SLC24A3: variants seen among roughly 807,000 people sequenced by gnomAD.
SLC24A3 encodes the protein sodium/potassium/calcium exchanger 3.
SLC24A3 carries 28 observed loss-of-function variants against 75.8 expected under a neutral mutation model. The observed-to-expected ratio is 0.37, with a 90% confidence interval of 0.27 to 0.51. The LOEUF (loss-of-function observed/expected upper bound fraction) is 0.51, where lower values mean the gene tolerates loss of function less well. Ranked by LOEUF, SLC24A3 falls within the 20% of genes least tolerant of loss-of-function variation. The pLI, the probability that SLC24A3 is intolerant of heterozygous loss-of-function variation, is 0.94. For missense variants in SLC24A3, 663 were observed against 847.8 expected (o/e 0.78, Z 2.71); for synonymous variants, 372 against 334.1 (o/e 1.11, Z -1.24).
chr20:19,646,543 A>G (rs2032139477), intron 6 of SLC24A3, among the ~76,000 whole-genome samples: 1 of 152,218 alleles, frequency 6.6e-6, no homozygotes, highest in Non-Finnish European at 1.5e-5. Context: ...TAACATTGTA[A>G]TTGCATTTGT....
At chr20:19,539,503 A>G (rs917989653) in intron 3 of SLC24A3, among the ~76,000 whole-genome samples, 1 of 152,148 alleles carries the variant, frequency 6.6e-6, no homozygotes, top group African/African-American at 2.4e-5. Context: ...TGCCCTCATA[A>G]CACTGAGACA....
intron 2 of SLC24A3, among the ~76,000 whole-genome samples, chr20:19,323,616 T>G (rs1984768881): frequency 6.6e-6 from 1 of 152,124 alleles, no homozygotes; most frequent in Non-Finnish European, 1.5e-5. Flanking sequence ...TCACTGTCAG[T>G]TTTCCCCCTG....
At chr20:19,470,529 A>G (rs191517693) in intron 2 of SLC24A3, among the ~76,000 whole-genome samples, 1 of 152,304 alleles carries the variant, frequency 6.6e-6, no homozygotes, top group Admixed American at 6.5e-5. Context: ...GATGCACAGC[A>G]TTAAGTCTGT....
At chr20:19,386,319 G>A (rs1016117384) in intron 2 of SLC24A3, among the ~76,000 whole-genome samples, 11 of 152,114 alleles carry the variant, frequency 7.2e-5, no homozygotes, top group African/African-American at 2.4e-4. Flanking sequence ...GGGTTTTTTG[G>A]TGTAGTGTTT....
chr20:19,685,043 G>C (rs766334183), intron 11 of SLC24A3, 57 bp from the exon 12 acceptor site: 85 of 1,539,680 alleles, frequency 5.5e-5, no homozygotes, highest in Non-Finnish European at 7.3e-5. Flanking sequence ...CATGTTCTGA[G>C]TGTAAGGTAT....
Position 19,362,713 on chromosome 20 carries a change from C to T in SLC24A3, c.271+81626C>T, listed in dbSNP as rs185959060. The stretch of plus-strand genomic sequence containing the variant: ...GAAGGAGGACTTGAACCGACGTCTC[C>T]TGTGTCCCCTGCTGTTTCTACTTCA... On this transcript the variant is annotated intron_variant, in intron 2 of 16. Transcript: ENST00000328041. 2.4e-3 allele frequency among the ~76,000 whole-genome samples: 363 copies of T among 152,280 alleles called. 4 individuals are homozygous for T. The highest frequency in any genetic ancestry group is 4.0e-3 in the Non-Finnish European group (271 of 68,030).
At chr20:19,345,417 T>A (rs1295600002) in intron 2 of SLC24A3, among the ~76,000 whole-genome samples, 1 of 152,172 alleles carries the variant, frequency 6.6e-6, no homozygotes, top group African/African-American at 2.4e-5. Context: ...AAGTTTATAT[T>A]GAAAGGCAAA....
intron 1 of SLC24A3, among the ~76,000 whole-genome samples, chr20:19,216,261 G>A (rs1205794625): frequency 1.3e-5 from 2 of 150,838 alleles, no homozygotes; most frequent in African/African-American, 4.9e-5. Context: ...GTTTAAAAGT[G>A]TTATATTTTT....
intron 2 of SLC24A3, among the ~76,000 whole-genome samples, chr20:19,401,458 G>A (rs560366497): frequency 2.6e-4 from 39 of 152,332 alleles, no homozygotes; most frequent in African/African-American, 9.4e-4. Flanking sequence ...GTAGTTCAGA[G>A]CCTCAAATAA....
chr20:19,421,484 T>A (rs11699936), intron 2 of SLC24A3, among the ~76,000 whole-genome samples: 45,608 of 151,946 alleles, frequency 0.3, 8,244 homozygotes, highest in Middle Eastern at 0.49. Flanking sequence ...GACAGCCAAG[T>A]TTTGAGTTTT....
chr20:19,552,663 T>G (rs2030715473), intron 3 of SLC24A3, among the ~76,000 whole-genome samples: 1 of 152,210 alleles, frequency 6.6e-6, no homozygotes, highest in South Asian at 2.1e-4. Flanking sequence ...CCATTCACTT[T>G]CACTTTGAGG....
At chr20:19,533,261 T>G (rs3790252) in intron 3 of SLC24A3, among the ~76,000 whole-genome samples, 133,841 of 152,102 alleles carry the variant, frequency 0.88, 59,046 homozygotes, top group Middle Eastern at 0.92. Context: ...TCTCTATGCT[T>G]CTCCAGGTGG....
At chr20:19,526,206 A>G (rs1375930142) in intron 3 of SLC24A3, among the ~76,000 whole-genome samples, 1 of 152,126 alleles carries the variant, frequency 6.6e-6, no homozygotes, top group Non-Finnish European at 1.5e-5. Context: ...TCTTCAGTGC[A>G]TTTCCTCCAG....
chr20:19,441,935 C>T (rs1229078631), intron 2 of SLC24A3, among the ~76,000 whole-genome samples: 1 of 152,096 alleles, frequency 6.6e-6, no homozygotes, highest in Non-Finnish European at 1.5e-5. Flanking sequence ...TCCAGAATGT[C>T]ACATAGTTGA....
chr20:19,654,757 C>T (rs1446882113), intron 7 of SLC24A3, among the ~76,000 whole-genome samples: 4 of 150,174 alleles, frequency 2.7e-5, no homozygotes, highest in Non-Finnish European at 4.4e-5. Flanking sequence ...CAATGATTCT[C>T]CTGCCTCAGC....
Position 19,716,114 on chromosome 20 carries a change from G to A in SLC24A3, c.1720-1414G>A, listed in dbSNP as rs113297976. On this transcript the variant is annotated intron_variant, in intron 15 of 16. Transcript: ENST00000328041. ...CTGCCCCAGGGTTTCTGATTCAGGA[G>A]TTCTGGGTGGGGCCTGAGATCCTGC... Among the ~76,000 whole-genome samples, 15 of 152,312 alleles carry A rather than the reference G, an allele frequency of 9.8e-5. 1 individual carries two copies. The highest frequency in any genetic ancestry group is 3.6e-4 in the African/African-American group (15 of 41,570).
intron 3 of SLC24A3, among the ~76,000 whole-genome samples, chr20:19,535,759 T>C (rs1316627561): frequency 6.6e-6 from 1 of 152,130 alleles, no homozygotes; most frequent in African/African-American, 2.4e-5. Flanking sequence ...TTATTTAGGG[T>C]ACTGGGAGGG....
chr20:19,475,098 G>C (rs1003136804), intron 2 of SLC24A3, among the ~76,000 whole-genome samples: 1 of 152,106 alleles, frequency 6.6e-6, no homozygotes, highest in Admixed American at 6.5e-5. Flanking sequence ...CAGCACTTTC[G>C]GAGGCCGAGG....
chr20:19,253,367 G>A (rs964710902), intron 1 of SLC24A3, among the ~76,000 whole-genome samples: 3 of 152,228 alleles, frequency 2.0e-5, no homozygotes, highest in Non-Finnish European at 4.4e-5. Context: ...GAAGGTGTGC[G>A]CAGCACAGGC....
Sources: allele counts gnomAD v4.1 joint callset (sites outside exome capture counted in the v4.1 genomes callset), GRCh38; gene constraint gnomAD v4.1.1; transcripts MANE v1.5; gene names NCBI Gene and HGNC (gene_info 2026-07-23, HGNC 2026-07-21).